USP35: variants seen among roughly 807,000 people sequenced by gnomAD.
USP35 encodes ubiquitin carboxyl-terminal hydrolase 35.
USP35 carries 69 observed loss-of-function variants against 83.8 expected under a neutral mutation model. That is an observed-to-expected ratio of 0.82 (90% CI 0.68 to 1.01). The LOEUF (loss-of-function observed/expected upper bound fraction) is 1.01. USP35 is among the 50% of genes least tolerant of loss of function. The probability of loss-of-function intolerance (pLI) is 0.00; values close to 1 mark genes in which losing one functional copy is unlikely to be tolerated. For synonymous variants in USP35, 714 were observed against 589.5 expected, an observed-to-expected ratio of 1.21 and a Z score of -3.06; for missense variants, 1,503 against 1,362.5, an observed-to-expected ratio of 1.10 and a Z score of -1.62.
downstream of USP35, chr11:78,215,775 C>T (rs1051853882): frequency 1.3e-5 from 2 of 152,528 alleles, no homozygotes; most frequent in Admixed American, 6.6e-5. Context: ...GACGACCCCC[C>T]ACGGAAGGGC....
the USP35 span, chr11:78,225,350 C>T: frequency 1.3e-5 from 8 of 598,200 alleles, no homozygotes; most frequent in East Asian, 2.8e-5. Context: ...TCTTCGAACA[C>T]ATCACTCCTC....
At chr11:78,221,639 T>A in the USP35 span, 1 of 1,359,078 alleles carries the variant, frequency 7.4e-7, no homozygotes, top group Non-Finnish European at 1.0e-6. Context: ...CCCAGGGGAC[T>A]TGAAAGGCGT....
At chr11:78,216,433 T>C (rs902725941), downstream of USP35, 2 of 151,788 alleles carry the variant, frequency 1.3e-5, no homozygotes, top group Admixed American at 1.3e-4. Context: ...TTGGAGGAGG[T>C]AGTGGGTGGA....
At chr11:78,220,158 G>A (rs926630217), downstream of USP35, among the ~76,000 whole-genome samples, 1 of 152,212 alleles carries the variant, frequency 6.6e-6, no homozygotes, top group Non-Finnish European at 1.5e-5. Context: ...TTTAGACCTA[G>A]ATGAAAGCTC....
the USP35 span, among the ~76,000 whole-genome samples, chr11:78,230,329 C>A: frequency 6.6e-6 from 1 of 152,196 alleles, no homozygotes; most frequent in African/African-American, 2.4e-5. Flanking sequence ...CTAAACATGT[C>A]CTGTGTAGTC....
chr11:78,210,851 C>A, intron 10 of USP35, 107 bp downstream of exon 10: 1 of 1,233,260 alleles, frequency 8.1e-7, no homozygotes. Flanking sequence ...TTGTAAATCC[C>A]ATTCATCTGT....
At chr11:78,219,032 A>C (rs150570382), downstream of USP35, 38 of 498,988 alleles carry the variant, frequency 7.6e-5, no homozygotes, top group African/African-American at 7.0e-4. Flanking sequence ...AGGTGGGTGG[A>C]GGCATGGCCA....
intron 3 of USP35, 37 bp from the exon 4 acceptor site, chr11:78,199,558 T>A (rs760279679): frequency 6.2e-7 from 1 of 1,613,462 alleles, no homozygotes; most frequent in East Asian, 2.2e-5. Flanking sequence ...ATTTTGGGTG[T>A]CCCTTGTCCC....
Position 78,197,917 on chromosome 11 carries a change from G to T in USP35, c.674-19G>T. The T allele has an allele frequency of 6.2e-7, 1 of 1,613,166 alleles. No individual in the cohort carries two copies. ...GGGGCCTGCCTCCCTGCTAAGCTCA[G>T]CCCTGTCCCCTGTTCCAGAGGAGGA... is the stretch of plus-strand genomic sequence containing the variant. On this transcript the variant is annotated intron_variant, in intron 2 of 10. Coordinates refer to ENST00000529308, the MANE Select transcript of USP35 (RefSeq NM_020798.4).
chr11:78,211,970 T>A (rs188962241), intron 10 of USP35, among the ~76,000 whole-genome samples: 1 of 152,266 alleles, frequency 6.6e-6, no homozygotes, highest in East Asian at 1.9e-4. Context: ...CATTGTTTGC[T>A]TTTGTTGCAA....
chr11:78,236,980 T>C, the USP35 span, among the ~76,000 whole-genome samples: 1 of 152,328 alleles, frequency 6.6e-6, no homozygotes, highest in Non-Finnish European at 1.5e-5. Flanking sequence ...CTGTTTATTA[T>C]TCATGGGGGA....
chr11:78,197,848 C>T (rs1025933417), intron 2 of USP35, 88 bp from the exon 3 acceptor site: 10 of 1,508,716 alleles, frequency 6.6e-6, no homozygotes, highest in South Asian at 6.5e-5. Context: ...AGGCCCAGCC[C>T]GGTTCGTTGG....
rs1315472049 is a variant in USP35, at chr11:78,209,782, C to T, written c.1927C>T (p.Gln643Ter). The T allele has an allele frequency of 6.2e-7, 1 of 1,613,786 alleles. No individual in the cohort carries two copies. Among genetic ancestry groups the T allele is most frequent in the African/African-American group, 1.3e-5 (1 of 74,832 alleles). The change falls in exon 10 of 11, where the codon CAA becomes TAA. Residue 643 changes from glutamine to a stop codon, truncating the protein, a stop_gained. Coordinates refer to ENST00000529308, the MANE Select transcript of USP35 (RefSeq NM_020798.4). LOFTEE classifies it high-confidence loss of function. Reference protein sequence around the residue: ...QGPGRVGPRRQRKHCITEDTP... With the variant: ...QGPGRVGPRR ...GCCAGGCAGGGTGGGTCCTCGGAGG[C>T]AAAGGAAACACTGCATCACAGAGGA...
Position 78,210,441 on chromosome 11 carries a change from C to A in USP35, c.2586C>A (p.His862Gln). Reference sequence around the variant, plus strand: ...CTGGAGTGTCTTCGGAGAGTGGTCACTACTACTGCTATGCCCGTGAGGGCG... The same window carrying A: ...CTGGAGTGTCTTCGGAGAGTGGTCAATACTACTGCTATGCCCGTGAGGGCG... ...VHSGVSSESG[H>Q]YYCYAREGAA... Residue 862 changes from histidine to glutamine, a missense_variant, in exon 10 of 11, where the codon CAC (histidine) becomes CAA (glutamine). Coordinates refer to ENST00000529308, the MANE Select transcript of USP35 (RefSeq NM_020798.4). The A allele has an allele frequency of 6.2e-7, 1 of 1,614,232 alleles. No individual in the cohort carries two copies. Among genetic ancestry groups the A allele is most frequent in the Non-Finnish European group, 8.5e-7 (1 of 1,180,048 alleles).
At chr11:78,198,344 C>G (rs1358985669) in intron 3 of USP35, among the ~76,000 whole-genome samples, 1 of 152,180 alleles carries the variant, frequency 6.6e-6, no homozygotes, top group African/African-American at 2.4e-5. Flanking sequence ...CCTCAGTTTC[C>G]CCCTCTGTAA....
the USP35 span, chr11:78,222,001 T>C: frequency 1.6e-5 from 13 of 802,086 alleles, no homozygotes; most frequent in Non-Finnish European, 1.6e-5. Context: ...ATGATAGCGT[T>C]AGCATCAGAA....
intron 2 of USP35, 72 bp from the exon 3 acceptor site, chr11:78,197,864 G>T: frequency 6.4e-7 from 1 of 1,557,000 alleles, no homozygotes; most frequent in Non-Finnish European, 8.7e-7. Context: ...GTTGGCTCCT[G>T]CAGGGCATGG....
downstream of USP35, chr11:78,218,358 T>A (rs1195488759): frequency 1.3e-5 from 2 of 152,896 alleles, no homozygotes; most frequent in African/African-American, 4.8e-5. Flanking sequence ...GTCGCCCAGC[T>A]TGGTCCAAGC....
intron 10 of USP35, among the ~76,000 whole-genome samples, chr11:78,211,326 G>C (rs1463782724): frequency 1.3e-5 from 2 of 152,110 alleles, no homozygotes; most frequent in Non-Finnish European, 2.9e-5. Flanking sequence ...GTGTATATGT[G>C]CCACATTTTC....
Sources: gnomAD v4.1 joint callset for allele counts (sites outside exome capture counted in the v4.1 genomes callset) on GRCh38, gnomAD v4.1.1 for gene constraint, MANE v1.5 for transcripts, NCBI Gene and HGNC (gene_info 2026-07-23, HGNC 2026-07-21) for gene names.